WWP1: variants seen among roughly 807,000 people sequenced by gnomAD.
WWP1 encodes NEDD4-like E3 ubiquitin-protein ligase WWP1.
WWP1 carries 49 observed loss-of-function variants against 130.6 expected under a neutral mutation model. The ratio of observed to expected loss-of-function variants is 0.38; its 90% confidence interval spans 0.30 to 0.48. The LOEUF (loss-of-function observed/expected upper bound fraction) is 0.48, where lower values mean the gene tolerates loss of function less well. WWP1 is among the 20% of genes least tolerant of loss of function. The pLI is 0.99. For missense variants in WWP1, 809 were observed against 1,100.6 expected (o/e 0.74, Z 3.75); for synonymous variants, 332 against 367.8 (o/e 0.90, Z 1.11).
In WWP1 at chr8:86,398,421, G is replaced by A. The variant is rs752533227; in HGVS notation, c.414G>A (p.Val138=). Residue 138 remains valine, a synonymous_variant, in exon 6 of 25, where the codon GTG becomes GTA. Transcript: ENST00000517970. ...CACAAACTGGTGAATTGACAGTTGT[G>A]CTTGATGGATTGGTGATTGAGCAAG... ...GIAQTGELTV[V]LDGLVIEQEN... 1 of 1,612,872 alleles carries A rather than the reference G, an allele frequency of 6.2e-7. No homozygotes were observed. The highest frequency in any genetic ancestry group is 8.5e-7 in the Non-Finnish European group (1 of 1,179,320).
chr8:86,352,860 G>A (rs1823019725), intron 1 of WWP1, among the ~76,000 whole-genome samples: 1 of 152,182 alleles, frequency 6.6e-6, no homozygotes, highest in Non-Finnish European at 1.5e-5. Context: ...ATGTCCATTA[G>A]GCTTCCTTGT....
At chr8:86,367,216 T>C (rs992800240) in intron 1 of WWP1, among the ~76,000 whole-genome samples, 1 of 152,358 alleles carries the variant, frequency 6.6e-6, no homozygotes, top group Admixed American at 6.5e-5. Flanking sequence ...GGACTTTGTC[T>C]TCTACCATTT....
intron 8 of WWP1, among the ~76,000 whole-genome samples, chr8:86,405,908 T>C (rs1414784514): frequency 6.6e-6 from 1 of 152,184 alleles, no homozygotes; most frequent in Non-Finnish European, 1.5e-5. Context: ...AGATTAGGAA[T>C]TGTGGGTCAA....
At chr8:86,370,919 G>A (rs540894755) in intron 2 of WWP1, among the ~76,000 whole-genome samples, 2 of 127,228 alleles carry the variant, frequency 1.6e-5, no homozygotes, top group Admixed American at 9.0e-5. Flanking sequence ...AGGCTGGAGT[G>A]CAGTGGCAAG....
intron 21 of WWP1, among the ~76,000 whole-genome samples, chr8:86,453,502 A>G (rs1372376846): frequency 6.6e-6 from 1 of 152,166 alleles, no homozygotes; most frequent in Non-Finnish European, 1.5e-5. Flanking sequence ...GCTGCTGTGA[A>G]CACAGGTGTA....
intron 1 of WWP1, among the ~76,000 whole-genome samples, chr8:86,345,009 G>A (rs1355342052): frequency 2.0e-5 from 3 of 152,136 alleles, no homozygotes; most frequent in Non-Finnish European, 4.4e-5. Context: ...GTGGGATAGA[G>A]GTCTGTAGTG....
chr8:86,461,638 A>G, intron 23 of WWP1, 136 bp from the exon 24 acceptor site: 1 of 728,086 alleles, frequency 1.4e-6, no homozygotes, highest in Non-Finnish European at 2.3e-6. Context: ...TTCTTCAGGC[A>G]GAAGCAGCTT....
intron 7 of WWP1, 86 bp downstream of exon 7, chr8:86,398,724 G>C (rs1586355422): frequency 1.4e-6 from 2 of 1,443,526 alleles, no homozygotes; most frequent in Non-Finnish European, 1.9e-6. Flanking sequence ...CCTTAGTTTA[G>C]AATTTGCCAC....
intron 14 of WWP1, among the ~76,000 whole-genome samples, chr8:86,433,546 T>C (rs1171084025): frequency 6.7e-6 from 1 of 148,976 alleles, no homozygotes; most frequent in Non-Finnish European, 1.5e-5. Context: ...AGAGCTAGTC[T>C]CTAAAAAAAA....
intron 21 of WWP1, among the ~76,000 whole-genome samples, chr8:86,456,187 CATA>C (rs1481816048): frequency 6.6e-6 from 1 of 151,816 alleles, no homozygotes; most frequent in Non-Finnish European, 1.5e-5. Context: ...AAGTGAAAAA[CATA>C]AGAGAAATCT....
intron 5 of WWP1, among the ~76,000 whole-genome samples, chr8:86,396,208 C>T (rs1157557245): frequency 2.0e-5 from 3 of 151,928 alleles, no homozygotes; most frequent in Admixed American, 6.6e-5. Context: ...AAGCAATTCT[C>T]CTGCGTCAGC....
In WWP1 at chr8:86,378,529, C is replaced by T. The variant is rs1057406965; in HGVS notation, c.71-2197C>T. On this transcript the variant is annotated intron_variant, in intron 3 of 24. Transcript: ENST00000517970. ...ACTTATATAACCTTAGAGTGGAGGACATTCTGTGTATAACACCAAAGGAAA... is the reference window on the plus strand; with the variant it reads ...ACTTATATAACCTTAGAGTGGAGGATATTCTGTGTATAACACCAAAGGAAA... 2.0e-5 allele frequency among the ~76,000 whole-genome samples: 3 copies of T among 151,936 alleles called. 1 individual carries two copies. In the East Asian group the frequency reaches 5.8e-4, roughly 29 times the overall value.
chr8:86,405,111 A>C (rs576141141), intron 8 of WWP1: 1 of 152,312 alleles, frequency 6.6e-6, no homozygotes, highest in East Asian at 1.9e-4. Context: ...TTAATAAAGG[A>C]TGAATTCAGG....
chr8:86,378,438 G>C (rs1824794655), intron 3 of WWP1, among the ~76,000 whole-genome samples: 1 of 151,844 alleles, frequency 6.6e-6, no homozygotes, highest in African/African-American at 2.4e-5. Flanking sequence ...GTTATTGTGA[G>C]TGGGATTTTT....
intron 9 of WWP1, among the ~76,000 whole-genome samples, 188 bp from the exon 10 acceptor site, chr8:86,425,035 A>C (rs1809537052): frequency 6.6e-6 from 1 of 152,108 alleles, no homozygotes; most frequent in Non-Finnish European, 1.5e-5. Flanking sequence ...AGGTTAAAAA[A>C]GTACTAATAA....
At chr8:86,383,612 C>G (rs916170289) in intron 5 of WWP1, among the ~76,000 whole-genome samples, 1 of 151,998 alleles carries the variant, frequency 6.6e-6, no homozygotes, top group African/African-American at 2.4e-5. Flanking sequence ...TGTGGTGGCA[C>G]GTGCCTGTAA....
chr8:86,398,570 A>G lies in WWP1; in HGVS notation c.473-2A>G. 6.2e-7 allele frequency: 1 copy of G among 1,613,138 alleles called. No homozygotes were observed. Among genetic ancestry groups the G allele is most frequent in the Non-Finnish European group, 8.5e-7 (1 of 1,179,724 alleles). On this transcript the variant is annotated splice_acceptor_variant, in intron 6 of 24. Transcript: ENST00000517970. LOFTEE classifies it high-confidence loss of function. ...CTAGTTTTTTTCTTTCTTGTTGTTC[A>G]GTAGAAATACAGGAAAATGGTGATG...
intron 3 of WWP1, among the ~76,000 whole-genome samples, chr8:86,375,388 C>A (rs1051956710): frequency 4.6e-5 from 7 of 152,004 alleles, no homozygotes; most frequent in Admixed American, 3.3e-4. Flanking sequence ...AGAGGTCTGG[C>A]TACTTGGTCC....
intron 2 of WWP1, among the ~76,000 whole-genome samples, chr8:86,371,222 A>G (rs898755055): frequency 1.3e-5 from 2 of 151,968 alleles, no homozygotes; most frequent in Non-Finnish European, 2.9e-5. Flanking sequence ...TCACTACTAT[A>G]TAATGCTCCA....
Sources: gnomAD v4.1 joint callset for allele counts (sites outside exome capture counted in the v4.1 genomes callset) on GRCh38, gnomAD v4.1.1 for gene constraint, MANE v1.5 for transcripts, NCBI Gene and HGNC (gene_info 2026-07-23, HGNC 2026-07-21) for gene names.